The following ANKFN1 variants were observed in gnomAD, a reference collection of about 807,000 sequenced individuals.
The protein encoded by ANKFN1 is ankyrin repeat and fibronectin type III domain containing 1, also known as ankyrin repeat and fibronectin type-III domain-containing protein 1.
In ANKFN1, 74 loss-of-function variants were observed where a neutral mutation model predicts 108.7. The observed-to-expected ratio is 0.68, with a 90% CI of 0.56 to 0.83. The LOEUF is 0.83. ANKFN1 is among the 40% of genes least tolerant of loss of function. The probability of loss-of-function intolerance (pLI) is 0.00; values close to 1 mark genes in which losing one functional copy is unlikely to be tolerated. For synonymous variants in ANKFN1, 547 were observed against 516.2 expected (o/e 1.06, Z -0.81); for missense variants, 1,505 against 1,382.3 (o/e 1.09, Z -1.41).
At chr17:56,355,976 AC>A (rs2046365733) in intron 6 of ANKFN1, among the ~76,000 whole-genome samples, 1 of 152,120 alleles carries the variant, frequency 6.6e-6, no homozygotes, top group Non-Finnish European at 1.5e-5. Context: ...GCTCTTGACA[AC>A]CATGAACCTA....
In ANKFN1 at chr17:56,092,746, TG is replaced by T. The variant is rs1041466564; in HGVS notation, c.288+46426del. 2.0e-5 allele frequency among the ~76,000 whole-genome samples: 3 copies of T among 150,994 alleles called. No homozygotes were observed. In the East Asian group the frequency reaches 5.8e-4, roughly 29 times the overall value. On this transcript the variant is annotated intron_variant, in intron 4 of 12. Transcript: ENST00000635860. ...GTCTAGAGTCTCATCTGGGAGGGTC[TG>T]GGGGAGAATCTGCTTCCAAGCTCAT...
At chr17:56,362,899 C>G (rs7207145) in intron 6 of ANKFN1, among the ~76,000 whole-genome samples, 104,626 of 152,078 alleles carry the variant, frequency 0.69, 36,875 homozygotes, top group East Asian at 0.96. Flanking sequence ...TCAACAGGAA[C>G]AAAATAAATA....
intron 1 of ANKFN1, among the ~76,000 whole-genome samples, chr17:56,201,911 A>G (rs757891733): frequency 3.9e-5 from 6 of 152,226 alleles, no homozygotes; most frequent in Non-Finnish European, 8.8e-5. Flanking sequence ...GCACTGGAAG[A>G]AGAAATAAAC....
intron 4 of ANKFN1, among the ~76,000 whole-genome samples, chr17:56,049,552 C>A (rs1002106194): frequency 6.6e-6 from 1 of 151,764 alleles, no homozygotes; most frequent in African/African-American, 2.4e-5. Context: ...TCCCCCGACC[C>A]CACCACAGTC....
chr17:56,353,937 C>T lies in ANKFN1; in HGVS notation c.492C>T (p.Leu164=), dbSNP rs1334999983. The part of the protein sequence containing the change: ...LYQYTPEELD[L]NTPNSEGLTP... ...AGTACACACCAGAAGAACTTGACCT[C>T]AACACACCTAACAGCGAGGGCTTGA... is the stretch of plus-strand genomic sequence containing the variant. The change falls in exon 6 of 21, where the codon CTC becomes CTT. Residue 164 remains leucine, a synonymous_variant. Transcript: ENST00000682825. 6.2e-7 allele frequency: 1 copy of T among 1,614,030 alleles called. No individual in the cohort carries two copies. Among genetic ancestry groups the T allele is most frequent in the Non-Finnish European group, 8.5e-7 (1 of 1,179,974 alleles).
In ANKFN1 at chr17:56,432,732, G is replaced by T. The variant is rs550227763; in HGVS notation, c.911-7595G>T. Reference sequence around the variant, plus strand: ...TGCACAGACCTCCCAGGTGGTGACTGCTTGGTAACTGACCTTCTGCCCCAG... The same window carrying T: ...TGCACAGACCTCCCAGGTGGTGACTTCTTGGTAACTGACCTTCTGCCCCAG... On this transcript the variant is annotated intron_variant, in intron 8 of 20. Coordinates refer to ENST00000682825, the MANE Select transcript of ANKFN1 (RefSeq NM_001370326.1). Among the ~76,000 whole-genome samples, 11 of 152,330 alleles carry T rather than the reference G, an allele frequency of 7.2e-5. No homozygotes were observed. The South Asian group carries it at 2.3e-3, about 32-fold the overall frequency.
At chr17:56,475,314 C>T (rs529101158) in intron 15 of ANKFN1, among the ~76,000 whole-genome samples, 3 of 152,284 alleles carry the variant, frequency 2.0e-5, no homozygotes, top group African/African-American at 7.2e-5. Flanking sequence ...GGGATGACAT[C>T]ATATTCATCT....
chr17:56,335,346 C>T (rs541232441), intron 4 of ANKFN1, among the ~76,000 whole-genome samples: 43 of 152,134 alleles, frequency 2.8e-4, no homozygotes, highest in Non-Finnish European at 5.3e-4. Flanking sequence ...TCTTCCTAAC[C>T]ATGAGCATGG....
intron 19 of ANKFN1, among the ~76,000 whole-genome samples, chr17:56,498,111 G>A (rs2051257382): frequency 1.3e-5 from 2 of 152,006 alleles, no homozygotes; most frequent in African/African-American, 4.8e-5. Flanking sequence ...AAATCAAAAT[G>A]GAACAACCTA....
intron 6 of ANKFN1, among the ~76,000 whole-genome samples, chr17:56,359,435 C>G (rs2046456923): frequency 6.6e-6 from 1 of 152,048 alleles, no homozygotes; most frequent in Non-Finnish European, 1.5e-5. Flanking sequence ...TGGTGGAATA[C>G]CTCTCTGTTT....
In ANKFN1 at chr17:56,373,110, C is replaced by T. The variant is rs187920511; in HGVS notation, c.796+270C>T. ...TCACACTCATCTAGCACTTTCCATCCGCTACGCCCTAATGCCTAATGATCT... is the reference window on the plus strand; with the variant it reads ...TCACACTCATCTAGCACTTTCCATCTGCTACGCCCTAATGCCTAATGATCT... On this transcript the variant is annotated intron_variant, in intron 7 of 20. Transcript: ENST00000682825. Among the ~76,000 whole-genome samples, 14 of 152,284 alleles carry T rather than the reference C, an allele frequency of 9.2e-5. No homozygotes were observed. The East Asian group carries it at 1.9e-3, about 21-fold the overall frequency.
intron 2 of ANKFN1, among the ~76,000 whole-genome samples, chr17:56,227,623 A>T (rs535377857): frequency 6.6e-6 from 1 of 152,238 alleles, no homozygotes; most frequent in East Asian, 1.9e-4. Flanking sequence ...TCTGTCTCCA[A>T]GATTGGACCT....
At chr17:56,509,157 C>T (rs921682517) in intron 20 of ANKFN1, among the ~76,000 whole-genome samples, 1 of 152,198 alleles carries the variant, frequency 6.6e-6, no homozygotes, top group Non-Finnish European at 1.5e-5. Flanking sequence ...ACAGATGCGC[C>T]ACAATTTATT....
intron 3 of ANKFN1, among the ~76,000 whole-genome samples, chr17:56,305,291 C>A (rs1478703845): frequency 6.6e-6 from 1 of 152,176 alleles, no homozygotes; most frequent in Admixed American, 6.5e-5. Context: ...ATGAGAACTA[C>A]AATTCAAGAT....
At chr17:56,109,079 G>A (rs1905811727) in intron 4 of ANKFN1, among the ~76,000 whole-genome samples, 3 of 152,118 alleles carry the variant, frequency 2.0e-5, no homozygotes, top group Non-Finnish European at 2.9e-5. Context: ...GTGGTCTTGG[G>A]CAACTTGCTT....
intron 4 of ANKFN1, among the ~76,000 whole-genome samples, chr17:56,141,971 C>T (rs1238221193): frequency 1.4e-5 from 2 of 142,918 alleles, no homozygotes; most frequent in Non-Finnish European, 3.0e-5. Context: ...GGCTCTGTCG[C>T]CCAGGCTGGA....
chr17:56,401,535 G>A (rs1873923578), intron 8 of ANKFN1, among the ~76,000 whole-genome samples: 1 of 152,028 alleles, frequency 6.6e-6, no homozygotes, highest in Non-Finnish European at 1.5e-5. Flanking sequence ...CATTAATCTT[G>A]TATCTGAAAA....
At chr17:56,430,726 A>G (rs921765653) in intron 8 of ANKFN1, among the ~76,000 whole-genome samples, 1 of 152,350 alleles carries the variant, frequency 6.6e-6, no homozygotes, top group African/African-American at 2.4e-5. Context: ...ATGCTATGGC[A>G]TATGCTAGCT....
chr17:56,383,215 G>C (rs191701043), intron 8 of ANKFN1, among the ~76,000 whole-genome samples: 1 of 152,072 alleles, frequency 6.6e-6, no homozygotes, highest in Non-Finnish European at 1.5e-5. Flanking sequence ...CGAACAACCT[G>C]CTCCTGAATG....
Sources: allele counts gnomAD v4.1 joint callset (sites outside exome capture counted in the v4.1 genomes callset), GRCh38; gene constraint gnomAD v4.1.1; transcripts MANE v1.5; gene names NCBI Gene and HGNC (gene_info 2026-07-23, HGNC 2026-07-21).